The following VTI1A variants were observed in gnomAD, a reference collection of about 807,000 sequenced individuals.
The protein encoded by VTI1A is vesicle transport through interaction with t-SNAREs homolog 1A.
Under a neutral mutation model 34.9 loss-of-function variants are expected in VTI1A, and 22 were observed. The observed-to-expected ratio is 0.63, with a 90% CI of 0.45 to 0.90. VTI1A has a LOEUF of 0.90. VTI1A is among the 40% of genes least tolerant of loss of function. VTI1A has a pLI of 0.00. For missense variants in VTI1A, 268 were observed against 275.6 expected, an observed-to-expected ratio of 0.97 and a Z score of 0.20; for synonymous variants, 87 against 97.3, an observed-to-expected ratio of 0.89 and a Z score of 0.62.
chr10:112,681,671 T>A lies in VTI1A; in HGVS notation c.560+12673T>A, dbSNP rs75516557. Among the ~76,000 whole-genome samples the A allele has an allele frequency of 2.0e-5, 3 of 152,316 alleles. No individual in the cohort carries two copies. In the East Asian group the frequency reaches 5.8e-4, roughly 29 times the overall value. On this transcript the variant is annotated intron_variant, in intron 7 of 7. Transcript: ENST00000393077. ...TGGTTGTGCCCCAGTTTTAGAATAA[T>A]ATTGCAAATTTTCACACACTTGACT...
intron 7 of VTI1A, among the ~76,000 whole-genome samples, chr10:112,711,949 T>C (rs1055808033): frequency 1.3e-5 from 2 of 152,238 alleles, no homozygotes; most frequent in African/African-American, 4.8e-5. Flanking sequence ...TGAAGACACC[T>C]GACACATTCA....
intron 7 of VTI1A, among the ~76,000 whole-genome samples, chr10:112,701,258 A>G (rs1848998945): frequency 6.6e-6 from 1 of 152,252 alleles, no homozygotes; most frequent in African/African-American, 2.4e-5. Flanking sequence ...GCAGAAACCA[A>G]CAACTAGACC....
chr10:112,636,122 T>A (rs1846343633), intron 5 of VTI1A, among the ~76,000 whole-genome samples: 1 of 152,226 alleles, frequency 6.6e-6, no homozygotes. Context: ...GGGCTCTGAA[T>A]GCTTTGCTCA....
At chr10:112,837,732 T>C in the VTI1A span, among the ~76,000 whole-genome samples, 1 of 152,196 alleles carries the variant, frequency 6.6e-6, no homozygotes, top group South Asian at 2.1e-4. Context: ...CCTAGAGATA[T>C]ACAGGTAATT....
At chr10:112,684,980 C>T (rs1271848708) in intron 7 of VTI1A, among the ~76,000 whole-genome samples, 1 of 152,212 alleles carries the variant, frequency 6.6e-6, no homozygotes, top group East Asian at 1.9e-4. Flanking sequence ...GATGTGGAAC[C>T]ATTGTCTTCT....
chr10:112,481,864 T>C (rs1848469233), intron 3 of VTI1A, among the ~76,000 whole-genome samples: 1 of 152,212 alleles, frequency 6.6e-6, no homozygotes, highest in African/African-American at 2.4e-5. Context: ...CAAATGATGA[T>C]AGCTGTGCAT....
At chr10:112,448,367 C>T (rs1160686551) in intron 1 of VTI1A, 2 of 151,972 alleles carry the variant, frequency 1.3e-5, no homozygotes, top group Non-Finnish European at 2.9e-5. Context: ...TTTTGTGTTT[C>T]CTTTTGTGTT....
intron 5 of VTI1A, among the ~76,000 whole-genome samples, chr10:112,638,556 T>A (rs1846450073): frequency 6.6e-6 from 1 of 152,146 alleles, no homozygotes; most frequent in Non-Finnish European, 1.5e-5. Context: ...GTACCAAAGA[T>A]CAATTTTATT....
At chr10:112,770,505 C>T (rs1007500033) in intron 7 of VTI1A, among the ~76,000 whole-genome samples, 14 of 151,622 alleles carry the variant, frequency 9.2e-5, no homozygotes, top group Non-Finnish European at 2.1e-4. Context: ...ACGCCATTCT[C>T]CTGCCTCAGC....
chr10:112,565,427 T>A (rs774113411), intron 5 of VTI1A, among the ~76,000 whole-genome samples: 17 of 152,188 alleles, frequency 1.1e-4, no homozygotes, highest in Non-Finnish European at 1.8e-4. Flanking sequence ...AAATTAATTT[T>A]AAAAGACTTA....
At chr10:112,694,040 C>G (rs1478014327) in intron 7 of VTI1A, among the ~76,000 whole-genome samples, 1 of 152,144 alleles carries the variant, frequency 6.6e-6, no homozygotes, top group Non-Finnish European at 1.5e-5. Context: ...AACCCTGTCT[C>G]TACTAAAAAT....
intron 5 of VTI1A, among the ~76,000 whole-genome samples, chr10:112,585,074 A>T (rs192716283): frequency 6.6e-6 from 1 of 152,332 alleles, no homozygotes; most frequent in Admixed American, 6.5e-5. Flanking sequence ...TCTTTAATTG[A>T]GGGTGGATCA....
Position 112,772,015 on chromosome 10 carries a change from C to G in VTI1A, c.561-43275C>G, listed in dbSNP as rs146876422. Among the ~76,000 whole-genome samples the G allele has an allele frequency of 4.3e-3, 652 of 152,286 alleles. 6 individuals are homozygous for G. Among genetic ancestry groups the G allele is most frequent in the African/African-American group, 0.015 (625 of 41,552 alleles). On this transcript the variant is annotated intron_variant, in intron 7 of 7. Coordinates refer to ENST00000393077, the MANE Select transcript of VTI1A (RefSeq NM_145206.4). ...GCTATGTGAATAATGCTGCTGTGAA[C>G]ATTCGTGTACAAGTTTTTGTGTGGA...
chr10:112,814,128 CA>C (rs2134093968), intron 7 of VTI1A, among the ~76,000 whole-genome samples: 1 of 152,276 alleles, frequency 6.6e-6, no homozygotes, highest in African/African-American at 2.4e-5. Context: ...AAATACCCTG[CA>C]AAGATTTTTT....
intron 5 of VTI1A, among the ~76,000 whole-genome samples, chr10:112,599,017 C>T (rs1423559264): frequency 1.3e-5 from 2 of 152,154 alleles, no homozygotes; most frequent in South Asian, 2.1e-4. Flanking sequence ...GTCAATCCTC[C>T]GTTCACCATT....
At chr10:112,798,600 A>G (rs4918777) in intron 7 of VTI1A, among the ~76,000 whole-genome samples, 32,384 of 152,088 alleles carry the variant, frequency 0.21, 3,952 homozygotes, top group Non-Finnish European at 0.27. Flanking sequence ...GACCTGAGAG[A>G]GTGATCAAAG....
chr10:112,474,131 A>T (rs1325519467), intron 3 of VTI1A, among the ~76,000 whole-genome samples: 2 of 151,556 alleles, frequency 1.3e-5, no homozygotes, highest in Admixed American at 1.3e-4. Context: ...GTGTGATCTC[A>T]GCTCACTGCA....
intron 5 of VTI1A, among the ~76,000 whole-genome samples, chr10:112,573,486 G>A (rs1589921694): frequency 6.6e-6 from 1 of 152,104 alleles, no homozygotes; most frequent in African/African-American, 2.4e-5. Context: ...TGCATGTTTG[G>A]TGAAAATATA....
the VTI1A span, among the ~76,000 whole-genome samples, chr10:112,828,198 G>A: frequency 6.6e-6 from 1 of 152,020 alleles, no homozygotes; most frequent in African/African-American, 2.4e-5. Flanking sequence ...TATTGCTTGG[G>A]GGGTTGTTGG....
Sources: allele counts gnomAD v4.1 joint callset (sites outside exome capture counted in the v4.1 genomes callset), GRCh38; gene constraint gnomAD v4.1.1; transcripts MANE v1.5; gene names NCBI Gene and HGNC (gene_info 2026-07-23, HGNC 2026-07-21).